The following DHRS12 variants were observed in gnomAD, a reference collection of about 807,000 sequenced individuals.
The protein encoded by DHRS12 is dehydrogenase/reductase 12, also known as dehydrogenase/reductase SDR family member 12.
In DHRS12, 29 loss-of-function variants were observed where a neutral mutation model predicts 32.1. That is an observed-to-expected ratio of 0.90 (90% CI 0.67 to 1.23). The LOEUF (loss-of-function observed/expected upper bound fraction) is 1.23, where lower values mean the gene tolerates loss of function less well. Ranked by LOEUF, DHRS12 falls within the 50% of genes most tolerant of loss-of-function variation. The pLI is 0.00. For missense variants in DHRS12, 330 were observed against 337.2 expected, an observed-to-expected ratio of 0.98 and a Z score of 0.17; for synonymous variants, 150 against 135.9, an observed-to-expected ratio of 1.10 and a Z score of -0.72.
At chr13:51,790,383 A>G (rs749025980) in intron 3 of DHRS12, among the ~76,000 whole-genome samples, 18 of 152,232 alleles carry the variant, frequency 1.2e-4, no homozygotes, top group Non-Finnish European at 7.3e-5. Context: ...TCCAATAGAA[A>G]TATCTAATCT....
At chr13:51,768,845 T>A (rs977979097) in intron 8 of DHRS12, 13 of 1,334,926 alleles carry the variant, frequency 9.7e-6, no homozygotes, top group East Asian at 3.3e-5. Flanking sequence ...CAGCTTTGAA[T>A]AGCGCCCCTC....
intron 4 of DHRS12, among the ~76,000 whole-genome samples, chr13:51,779,451 G>A (rs1431853244): frequency 6.6e-6 from 1 of 152,208 alleles, no homozygotes; most frequent in Non-Finnish European, 1.5e-5. Context: ...GATGGACTGG[G>A]CCAGGGGGGT....
chr13:51,787,866 T>TG, intron 4 of DHRS12, among the ~76,000 whole-genome samples: 2 of 120,484 alleles, frequency 1.7e-5, no homozygotes, highest in African/African-American at 6.4e-5. Context: ...ATATAATATA[T>TG]AAATATATAA....
chr13:51,758,157 CT>C, the DHRS12 span: 10 of 1,505,790 alleles, frequency 6.6e-6, no homozygotes, highest in South Asian at 1.3e-5. Flanking sequence ...ATGTCACCAC[CT>C]TTTCCCCTCA....
chr13:51,762,766 A>G, the DHRS12 span: 1 of 152,218 alleles, frequency 6.6e-6, no homozygotes, highest in Non-Finnish European at 1.5e-5. Flanking sequence ...ACTTAAACAT[A>G]TAGCAGCTTT....
In DHRS12 at chr13:51,769,184, G is replaced by GGCT. The variant is rs1953894047; in HGVS notation, c.666_668dup (p.Ala224dup). 1.3e-6 allele frequency: 2 copies of GGCT among 1,555,360 alleles called. No individual in the cohort carries two copies. The highest frequency in any genetic ancestry group is 1.7e-6 in the Non-Finnish European group (2 of 1,150,610). On this transcript the variant is annotated inframe_insertion, in exon 8 of 9. Coordinates refer to ENST00000444610, the MANE Select transcript of DHRS12 (RefSeq NM_001377533.1). ...GAAAGAAGCGGCCGCTGGGCTGTGC[G>GGCT]GCTGCGGCAGAGGAGAGGGCCAGCC...
the DHRS12 span, among the ~76,000 whole-genome samples, chr13:51,754,930 CACAA>C: frequency 1.3e-5 from 2 of 152,016 alleles, no homozygotes; most frequent in African/African-American, 2.4e-5. Flanking sequence ...GAAATTGTTT[CACAA>C]ACAAACATTA....
At chr13:51,803,940 C>T in intron 1 of DHRS12, 114 bp downstream of exon 1, 3 of 1,011,086 alleles carry the variant, frequency 3.0e-6, no homozygotes, top group South Asian at 3.1e-5. Context: ...CACGCTTAGT[C>T]GGCCCAGCGA....
intron 4 of DHRS12, among the ~76,000 whole-genome samples, chr13:51,788,759 G>A (rs910767184): frequency 9.2e-5 from 14 of 152,092 alleles, no homozygotes; most frequent in East Asian, 1.9e-4. Context: ...ACTTGGGAGC[G>A]TGAGGTGAAA....
At chr13:51,803,877 G>T in intron 1 of DHRS12, 177 bp downstream of exon 1, 1 of 482,602 alleles carries the variant, frequency 2.1e-6, no homozygotes, top group East Asian at 4.1e-5. Context: ...TCTGGCGACT[G>T]CCCCACGCCC....
intron 2 of DHRS12, chr13:51,797,906 C>T (rs1185845935): frequency 6.5e-7 from 1 of 1,535,820 alleles, no homozygotes; most frequent in Non-Finnish European, 8.7e-7. Flanking sequence ...TGAACTGTGC[C>T]ACCTGGTGGA....
At chr13:51,759,794 T>C in the DHRS12 span, 10 of 1,612,126 alleles carry the variant, frequency 6.2e-6, no homozygotes, top group East Asian at 1.8e-4. Flanking sequence ...ATCAGAAAGA[T>C]AGTATTTACT....
chr13:51,794,820 G>GAGAT (rs1955440454), intron 2 of DHRS12, among the ~76,000 whole-genome samples: 2 of 150,930 alleles, frequency 1.3e-5, no homozygotes, highest in Non-Finnish European at 2.9e-5. Context: ...GTTACCCATG[G>GAGAT]AGATAACTGC....
chr13:51,781,244 T>A (rs1954689664), intron 4 of DHRS12, among the ~76,000 whole-genome samples: 1 of 152,178 alleles, frequency 6.6e-6, no homozygotes, highest in East Asian at 1.9e-4. Context: ...TTAGAAGACA[T>A]TCAAGGCACT....
intron 4 of DHRS12, among the ~76,000 whole-genome samples, chr13:51,788,115 T>C (rs1409808523): frequency 3.3e-5 from 5 of 151,316 alleles, no homozygotes; most frequent in Non-Finnish European, 5.9e-5. Context: ...TAATGCTCTG[T>C]GGTCGCTGCA....
At chr13:51,786,783 C>T (rs1954978367) in intron 4 of DHRS12, among the ~76,000 whole-genome samples, 1 of 152,202 alleles carries the variant, frequency 6.6e-6, no homozygotes, top group Non-Finnish European at 1.5e-5. Flanking sequence ...TTACGCTCTC[C>T]TCAGAGTATC....
chr13:51,759,303 C>T, the DHRS12 span, among the ~76,000 whole-genome samples: 1 of 151,946 alleles, frequency 6.6e-6, no homozygotes, highest in Non-Finnish European at 1.5e-5. Flanking sequence ...ACGTGCTTGG[C>T]GTCCAGTTAA....
intron 4 of DHRS12, among the ~76,000 whole-genome samples, chr13:51,785,909 T>C (rs1034274041): frequency 3.9e-5 from 6 of 152,220 alleles, no homozygotes; most frequent in African/African-American, 1.2e-4. Flanking sequence ...GTTTCCTCAT[T>C]TGTAAAATCT....
rs559277274 is a variant in DHRS12, at chr13:51,782,259, T to C, written c.302-5138A>G. Among the ~76,000 whole-genome samples, 8 of 152,026 alleles carry C rather than the reference T, an allele frequency of 5.3e-5. No homozygotes were observed. In the East Asian group the frequency reaches 5.8e-4, roughly 11 times the overall value. ...CTTGGGAGCCAGGCACATGATGGCA[T>C]TGGGGCAAGGATGAGATCCCAACAG... On this transcript the variant is annotated intron_variant, in intron 4 of 8. Coordinates refer to ENST00000444610, the MANE Select transcript of DHRS12 (RefSeq NM_001377533.1). This position sits in a 1 kb window ranked among gnomAD's most constrained non-coding sequence, Gnocchi z 4.2.
Sources: gnomAD v4.1 joint callset for allele counts (sites outside exome capture counted in the v4.1 genomes callset) on GRCh38, gnomAD v4.1.1 for gene constraint, Gnocchi (gnomAD v3.1) non-coding constraint, MANE v1.5 for transcripts, NCBI Gene and HGNC (gene_info 2026-07-23, HGNC 2026-07-21) for gene names.